CHRNB4: variants seen among roughly 807,000 people sequenced by gnomAD.
CHRNB4 encodes cholinergic receptor nicotinic beta 4 subunit.
CHRNB4 carries 23 observed loss-of-function variants against 40.4 expected under a neutral mutation model. That is an observed-to-expected ratio of 0.57 (90% CI 0.41 to 0.81). CHRNB4 has a LOEUF of 0.81. CHRNB4 is among the 30% of genes least tolerant of loss of function. CHRNB4 has a pLI of 0.00. For missense variants in CHRNB4, 568 were observed against 670.6 expected (o/e 0.85, Z 1.69); for synonymous variants, 285 against 274.4 (o/e 1.04, Z -0.38).
chr15:78,650,196 G>A (rs981926198), intron 6 of CHRNB4, among the ~76,000 whole-genome samples: 4 of 152,192 alleles, frequency 2.6e-5, no homozygotes, highest in Non-Finnish European at 5.9e-5. Flanking sequence ...CGTGACTGTC[G>A]TGTGCCCTTC....
intron 5 of CHRNB4, chr15:78,655,433 T>G (rs2054205089): frequency 7.2e-6 from 1 of 139,490 alleles, no homozygotes; most frequent in South Asian, 2.1e-4. Flanking sequence ...TATCTATATC[T>G]ATATATATCT....
upstream of CHRNB4, chr15:78,641,226 C>A (rs886693234): frequency 3.9e-5 from 47 of 1,203,994 alleles, no homozygotes; most frequent in Middle Eastern, 2.7e-4. Flanking sequence ...CCGGTCCTGG[C>A]CCCCGAGGTT....
intron 7 of CHRNB4, among the ~76,000 whole-genome samples, chr15:78,646,444 A>T (rs2054123933): frequency 6.6e-6 from 1 of 152,244 alleles, no homozygotes; most frequent in South Asian, 2.1e-4. Flanking sequence ...GGATATCATT[A>T]TGACTGGGGT....
intron 7 of CHRNB4, among the ~76,000 whole-genome samples, chr15:78,648,952 A>G (rs1262554588): frequency 6.6e-6 from 1 of 151,836 alleles, no homozygotes; most frequent in African/African-American, 2.4e-5. Context: ...AATTTTTGGG[A>G]TTTTTTGTAG....
At chr15:78,634,864 C>T in intron 2 of CHRNB4, 4 of 437,034 alleles carry the variant, frequency 9.2e-6, no homozygotes, top group Non-Finnish European at 1.8e-5. Flanking sequence ...CACCTCTGCC[C>T]CACATCCACA....
At chr15:78,634,747 T>C (rs909639724) in intron 2 of CHRNB4, 2 of 455,854 alleles carry the variant, frequency 4.4e-6, no homozygotes, top group Non-Finnish European at 8.8e-6. Flanking sequence ...ACCCTGTGGA[T>C]GGGGACATGG....
At chr15:78,642,089 G>A (rs1033466367), upstream of CHRNB4, among the ~76,000 whole-genome samples, 2 of 152,284 alleles carry the variant, frequency 1.3e-5, no homozygotes, top group Non-Finnish European at 2.9e-5. Flanking sequence ...GGGTCTAAGG[G>A]AACCGCCTGT....
At chr15:78,634,545 G>A in intron 2 of CHRNB4, 3 of 344,394 alleles carry the variant, frequency 8.7e-6, no homozygotes, top group Non-Finnish European at 1.7e-5. Flanking sequence ...CTTCCTGAGG[G>A]CTGTAGGTTT....
At chr15:78,641,933 C>A (rs2054081496), upstream of CHRNB4, among the ~76,000 whole-genome samples, 1 of 152,208 alleles carries the variant, frequency 6.6e-6, no homozygotes, top group African/African-American at 2.4e-5. Context: ...GGACAGCCCC[C>A]ACCTCGGGAA....
upstream of CHRNB4, chr15:78,660,709 C>G (rs2054244952): frequency 5.1e-6 from 1 of 196,406 alleles, no homozygotes; most frequent in Non-Finnish European, 1.0e-5. Flanking sequence ...AGGCTGGTTT[C>G]TGATGCACCT....
At chr15:78,636,459 C>A (rs2053952733) in intron 1 of CHRNB4, among the ~76,000 whole-genome samples, 1 of 152,116 alleles carries the variant, frequency 6.6e-6, no homozygotes, top group South Asian at 2.1e-4. Flanking sequence ...CGTTCAAGGC[C>A]CTTTCCCCAC....
At chr15:78,661,195 G>A (rs764571254), upstream of CHRNB4, 13 of 612,430 alleles carry the variant, frequency 2.1e-5, no homozygotes, top group Non-Finnish European at 3.8e-5. Context: ...ACCAAAGAGC[G>A]GAATGGTGCT....
rs1334820272 is a variant in CHRNB4, at chr15:78,647,488, C to CA, written c.46+1890dup. ...CATGGATAGGAGTGAGGGGAATGGA[C>CA]ACAGAAGTGATAATGAGATACTAGC... is the stretch of plus-strand genomic sequence containing the variant. On this transcript the variant is annotated intron_variant and NMD_transcript_variant, in intron 7 of 11. Transcript: ENST00000559849. 2.6e-5 allele frequency among the ~76,000 whole-genome samples: 4 copies of CA among 151,846 alleles called. No homozygotes were observed. The East Asian group carries it at 7.7e-4, about 29-fold the overall frequency.
chr15:78,631,940 T>C (rs2053822000), intron 2 of CHRNB4, among the ~76,000 whole-genome samples: 1 of 152,142 alleles, frequency 6.6e-6, no homozygotes, highest in Non-Finnish European at 1.5e-5. Context: ...TGACCTCTTA[T>C]CTCAACACTC....
intron 7 of CHRNB4, chr15:78,649,356 G>A (rs1476241103): frequency 4.5e-6 from 2 of 448,488 alleles, no homozygotes; most frequent in Non-Finnish European, 8.9e-6. Context: ...AGAACACGGA[G>A]GAATGAACTG....
At chr15:78,648,194 C>A (rs1596122691) in intron 7 of CHRNB4, among the ~76,000 whole-genome samples, 1 of 151,516 alleles carries the variant, frequency 6.6e-6, no homozygotes, top group South Asian at 2.1e-4. Context: ...GAGATCAAGA[C>A]CATCCTGGCT....
upstream of CHRNB4, among the ~76,000 whole-genome samples, chr15:78,645,782 G>A (rs900031279): frequency 1.8e-4 from 28 of 152,182 alleles, no homozygotes; most frequent in African/African-American, 3.6e-4. Context: ...GACATAGGCC[G>A]GGCACGGTGG....
intron 4 of CHRNB4, 28 bp downstream of exon 4, chr15:78,631,021 GGGCCTGCTGCCCTGGCCTGGCTGTCAC>G: frequency 7.1e-7 from 1 of 1,402,930 alleles, no homozygotes; most frequent in Non-Finnish European, 1.0e-6. Context: ...TCTTAGGGCT[GGGCCTGCTGCCCTGGCCTGGCTGTCAC>G]CAGGCCTCCA....
At chr15:78,647,336 T>C (rs1269320302) in intron 7 of CHRNB4, among the ~76,000 whole-genome samples, 1 of 151,520 alleles carries the variant, frequency 6.6e-6, no homozygotes, top group Admixed American at 6.6e-5. Flanking sequence ...TATATAAACA[T>C]TTTATATATA....
Sources: allele counts gnomAD v4.1 joint callset (sites outside exome capture counted in the v4.1 genomes callset), GRCh38; gene constraint gnomAD v4.1.1; transcripts MANE v1.5; gene names NCBI Gene and HGNC (gene_info 2026-07-23, HGNC 2026-07-21).